KBTBD12: variants seen among roughly 807,000 people sequenced by gnomAD.
KBTBD12 encodes the protein kelch repeat and BTB domain-containing protein 12.
KBTBD12 carries 53 observed loss-of-function variants against 58.7 expected under a neutral mutation model. That is an observed-to-expected ratio of 0.90 (90% CI 0.72 to 1.14). The LOEUF is 1.14. KBTBD12 is among the 50% of genes most tolerant of loss of function. KBTBD12 has a pLI of 0.00. For missense variants in KBTBD12, 704 were observed against 751.3 expected (o/e 0.94, Z 0.74); for synonymous variants, 236 against 259.8 (o/e 0.91, Z 0.88).
intron 5 of KBTBD12, among the ~76,000 whole-genome samples, chr3:127,970,901 A>AT (rs60244404): frequency 6.6e-6 from 1 of 152,066 alleles, no homozygotes; most frequent in African/African-American, 2.4e-5. Flanking sequence ...CTAAAAAACC[A>AT]TTTTTTTATA....
chr3:127,966,472 C>T (rs968197724), intron 5 of KBTBD12, among the ~76,000 whole-genome samples: 1 of 152,018 alleles, frequency 6.6e-6, no homozygotes, highest in Non-Finnish European at 1.5e-5. Context: ...ATCAATAGAA[C>T]AGGAAAAGGA....
intron 4 of KBTBD12, among the ~76,000 whole-genome samples, chr3:127,935,764 C>T (rs963687717): frequency 4.6e-5 from 7 of 152,046 alleles, no homozygotes; most frequent in African/African-American, 7.2e-5. Context: ...GGACCAAACA[C>T]GCTAATCAAA....
intron 1 of KBTBD12, among the ~76,000 whole-genome samples, chr3:127,916,960 G>A (rs902472719): frequency 6.6e-6 from 1 of 152,176 alleles, no homozygotes; most frequent in Non-Finnish European, 1.5e-5. Flanking sequence ...TGGCGAGTGG[G>A]AAAAAACACA....
At position 127,958,810 on chromosome 3, in the gene KBTBD12, G is replaced by A. The variant is rs75997259; in HGVS notation, c.1493-4379G>A. ...ACAGATGATTGTGTTTTCCTGGCCT[G>A]GCAAGAAAAAGCTGGTCAAGGGCTA... On this transcript the variant is annotated intron_variant, in intron 4 of 5. Transcript: ENST00000405109. Among the ~76,000 whole-genome samples the A allele has an allele frequency of 8.0e-3, 1,223 of 152,218 alleles. 17 individuals carry two copies. The highest frequency in any genetic ancestry group is 0.026 in the African/African-American group (1,097 of 41,510).
chr3:127,977,519 C>A (rs987957395), intron 5 of KBTBD12, among the ~76,000 whole-genome samples: 2 of 152,150 alleles, frequency 1.3e-5, no homozygotes, highest in Non-Finnish European at 2.9e-5. Context: ...TAATAATAGC[C>A]ATTATGACTG....
At chr3:127,977,556 T>A (rs942048463) in intron 5 of KBTBD12, among the ~76,000 whole-genome samples, 2 of 152,224 alleles carry the variant, frequency 1.3e-5, no homozygotes, top group African/African-American at 4.8e-5. Flanking sequence ...CATTGTGGTT[T>A]TAATTTGTCT....
chr3:127,928,069 C>T, intron 3 of KBTBD12, 35 bp downstream of exon 3: 1 of 1,568,518 alleles, frequency 6.4e-7, no homozygotes, highest in Non-Finnish European at 8.8e-7. Flanking sequence ...ATTGGCATGG[C>T]TATACTGAGT....
chr3:127,963,389 A>T lies in KBTBD12; in HGVS notation c.1690+3A>T, dbSNP rs775758803. 3.8e-6 allele frequency: 6 copies of T among 1,598,948 alleles called. No individual in the cohort carries two copies. In the South Asian group the frequency reaches 6.8e-5, roughly 18 times the overall value. On this transcript the variant is annotated splice_donor_region_variant and intron_variant, in intron 5 of 5. Transcript: ENST00000405109. ...CTGCGGGGGATTCCATGGAGCAGGT[A>T]TGGGTCCAGTTTTAAACATTTTGTT...
At chr3:127,948,707 C>A (rs1940141854) in intron 4 of KBTBD12, among the ~76,000 whole-genome samples, 1 of 152,172 alleles carries the variant, frequency 6.6e-6, no homozygotes, top group African/African-American at 2.4e-5. Flanking sequence ...GGGCTAGGCT[C>A]CTGAGCCCAT....
At chr3:127,951,615 A>G (rs1940205419) in intron 4 of KBTBD12, among the ~76,000 whole-genome samples, 1 of 152,178 alleles carries the variant, frequency 6.6e-6, no homozygotes, top group South Asian at 2.1e-4. Context: ...CTCGGGAACA[A>G]TTAGTCTTTT....
chr3:127,973,051 A>G (rs560216192), intron 5 of KBTBD12, among the ~76,000 whole-genome samples: 8 of 152,354 alleles, frequency 5.3e-5, no homozygotes, highest in African/African-American at 1.4e-4. Context: ...TTTACAATGG[A>G]GAAATTGGAT....
chr3:127,980,717 T>C (rs1281123451), intron 5 of KBTBD12, among the ~76,000 whole-genome samples: 2 of 152,220 alleles, frequency 1.3e-5, no homozygotes, highest in African/African-American at 2.4e-5. Context: ...GAGTCAGCCA[T>C]TGGGTTATTT....
At chr3:127,954,972 A>G (rs1278418076) in intron 4 of KBTBD12, among the ~76,000 whole-genome samples, 2 of 152,102 alleles carry the variant, frequency 1.3e-5, no homozygotes, top group Non-Finnish European at 2.9e-5. Context: ...CCCTTGTCAC[A>G]CTATACTCAG....
At chr3:127,974,575 T>C (rs1231646220) in intron 5 of KBTBD12, among the ~76,000 whole-genome samples, 2 of 152,308 alleles carry the variant, frequency 1.3e-5, no homozygotes, top group African/African-American at 2.4e-5. Flanking sequence ...TCCTGGAGAC[T>C]CACCACATTC....
chr3:127,948,338 G>A (rs1005462548), intron 4 of KBTBD12, among the ~76,000 whole-genome samples: 2 of 96,332 alleles, frequency 2.1e-5, no homozygotes, highest in African/African-American at 1.2e-4. Flanking sequence ...CCTTGAGGAA[G>A]CTGAGGGCCA....
intron 4 of KBTBD12, among the ~76,000 whole-genome samples, chr3:127,947,777 C>A (rs947503624): frequency 6.6e-6 from 1 of 152,188 alleles, no homozygotes; most frequent in Non-Finnish European, 1.5e-5. Context: ...GTCTCTCTTT[C>A]CTTCAGCAGG....
In KBTBD12 at chr3:127,927,958, T is replaced by G; in HGVS notation, c.1265T>G (p.Leu422Arg). Residue 422 changes from leucine (L) to arginine (R), a missense_variant, in exon 3 of 6, where the codon CTT (leucine) becomes CGT (arginine). Physicochemically the swap from Leu to Arg is moderately radical, Grantham distance 102 (BLOSUM62 -2). Transcript: ENST00000405109. ...GACAATTGGAAAAGGGTGTCTCCCC[T>G]TCCACTGCAATTGGCATGTCATGCT... ...ERDNWKRVSP[L>R]PLQLACHAVV... is the part of the protein sequence containing the mutation. 1.2e-6 allele frequency: 2 copies of G among 1,613,170 alleles called. No individual in the cohort carries two copies. The highest frequency in any genetic ancestry group is 1.7e-6 in the Non-Finnish European group (2 of 1,179,266).
At chr3:127,967,764 A>G (rs915285813) in intron 5 of KBTBD12, among the ~76,000 whole-genome samples, 1 of 152,248 alleles carries the variant, frequency 6.6e-6, no homozygotes, top group East Asian at 1.9e-4. Context: ...AATATAGTGC[A>G]TATAGTAGAA....
chr3:127,952,342 G>A (rs923864246), intron 4 of KBTBD12, among the ~76,000 whole-genome samples: 1 of 152,132 alleles, frequency 6.6e-6, no homozygotes, highest in African/African-American at 2.4e-5. Flanking sequence ...TGTGAGTGAT[G>A]TCCATTGGCC....
Sources: gnomAD v4.1 joint callset for allele counts (sites outside exome capture counted in the v4.1 genomes callset) on GRCh38, gnomAD v4.1.1 for gene constraint, MANE v1.5 for transcripts, NCBI Gene and HGNC (gene_info 2026-07-23, HGNC 2026-07-21) for gene names.